The following ADORA2B variants were observed in gnomAD, a reference collection of about 807,000 sequenced individuals.
ADORA2B encodes adenosine receptor A2b.
In ADORA2B, 18 loss-of-function variants were observed where a neutral mutation model predicts 20.8. The ratio of observed to expected loss-of-function variants is 0.87; its 90% CI spans 0.60 to 1.29. The LOEUF (loss-of-function observed/expected upper bound fraction) is 1.29. ADORA2B is among the 50% of genes most tolerant of loss of function. The pLI is 0.00. For synonymous variants in ADORA2B, 179 were observed against 178.3 expected (o/e 1.00, Z -0.03); for missense variants, 441 against 422.7 (o/e 1.04, Z -0.38).
chr17:15,951,930 C>T (rs775909523), intron 1 of ADORA2B, among the ~76,000 whole-genome samples: 4 of 152,192 alleles, frequency 2.6e-5, no homozygotes, highest in Non-Finnish European at 5.9e-5. Context: ...GCAGAGGCCT[C>T]CTCTGCAGAC....
chr17:15,974,491 A>G, intron 1 of ADORA2B, 188 bp from the exon 2 acceptor site: 1 of 545,868 alleles, frequency 1.8e-6, no homozygotes, highest in Non-Finnish European at 3.2e-6. Context: ...GATCTTACTG[A>G]GTTTTCTAGA....
the ADORA2B span, among the ~76,000 whole-genome samples, chr17:15,860,141 A>G: frequency 0.013 from 1,940 of 152,196 alleles, 35 homozygotes; most frequent in African/African-American, 0.045. Context: ...TGCTCAATCG[A>G]TCACGACCCT....
the ADORA2B span, among the ~76,000 whole-genome samples, chr17:15,876,120 T>A: frequency 6.6e-6 from 1 of 152,210 alleles, no homozygotes; most frequent in Non-Finnish European, 1.5e-5. Flanking sequence ...TTTTTTTTCC[T>A]CCAGTATCTC....
chr17:15,880,518 G>A, the ADORA2B span, among the ~76,000 whole-genome samples: 2 of 142,728 alleles, frequency 1.4e-5, no homozygotes, highest in East Asian at 4.0e-4. Flanking sequence ...GTCGCCAGGG[G>A]AGCACTCAAA....
At chr17:15,943,086 C>T (rs1969758613), upstream of ADORA2B, among the ~76,000 whole-genome samples, 1 of 152,192 alleles carries the variant, frequency 6.6e-6, no homozygotes, top group Non-Finnish European at 1.5e-5. Context: ...GCAGGTGATT[C>T]CAGAACTCAC....
chr17:15,958,610 C>T (rs539949766), intron 1 of ADORA2B, among the ~76,000 whole-genome samples: 1 of 152,312 alleles, frequency 6.6e-6, no homozygotes, highest in South Asian at 2.1e-4. Flanking sequence ...TCCTCTCTTT[C>T]CTTCGTTTCT....
the ADORA2B span, among the ~76,000 whole-genome samples, chr17:15,921,799 C>T: frequency 6.6e-6 from 1 of 152,168 alleles, no homozygotes; most frequent in Non-Finnish European, 1.5e-5. Flanking sequence ...TTTTAGCTCT[C>T]ACATCCTTAA....
At chr17:15,920,844 C>T in the ADORA2B span, among the ~76,000 whole-genome samples, 5 of 152,162 alleles carry the variant, frequency 3.3e-5, no homozygotes, top group Non-Finnish European at 5.9e-5. Flanking sequence ...TTGGAGGCTG[C>T]GAGCCCAGCT....
At chr17:15,870,420 C>G in the ADORA2B span, among the ~76,000 whole-genome samples, 1 of 152,172 alleles carries the variant, frequency 6.6e-6, no homozygotes, top group Non-Finnish European at 1.5e-5. Flanking sequence ...AGACAGATCT[C>G]TTGAGCCCAG....
At chr17:15,939,816 C>T in the ADORA2B span, among the ~76,000 whole-genome samples, 5 of 138,470 alleles carry the variant, frequency 3.6e-5, no homozygotes, top group East Asian at 1.1e-3. Context: ...GCCAAGATCA[C>T]ACCACTGCAC....
At position 15,964,647 on chromosome 17, in the gene ADORA2B, T is replaced by C. The variant is rs183303930; in HGVS notation, c.336-10032T>C. 8.3e-4 allele frequency among the ~76,000 whole-genome samples: 125 copies of C among 150,948 alleles called. 3 individuals carry two copies. Among genetic ancestry groups the C allele is most frequent in the African/African-American group, 2.9e-3 (118 of 40,968 alleles). On this transcript the variant is annotated intron_variant, in intron 1 of 1. Coordinates refer to ENST00000304222, the MANE Select transcript of ADORA2B (RefSeq NM_000676.4). ...AAAAAAAAAAAGAAAAGATGAATTC[T>C]ACTTTTTTAATTGTTATAGTGCTAT...
chr17:15,900,869 C>T, the ADORA2B span, among the ~76,000 whole-genome samples: 1 of 152,192 alleles, frequency 6.6e-6, no homozygotes, highest in African/African-American at 2.4e-5. Context: ...GTAAGGAAAG[C>T]GTCTTAGCCA....
upstream of ADORA2B, among the ~76,000 whole-genome samples, chr17:15,941,770 G>A (rs1969747988): frequency 6.6e-6 from 1 of 150,588 alleles, no homozygotes. Flanking sequence ...GACTCTCTTC[G>A]GATTCCACCC....
At chr17:15,915,416 G>A in the ADORA2B span, among the ~76,000 whole-genome samples, 2 of 152,188 alleles carry the variant, frequency 1.3e-5, no homozygotes, top group Non-Finnish European at 2.9e-5. Flanking sequence ...ACATTTACAG[G>A]TTCCAGGGAC....
the ADORA2B span, among the ~76,000 whole-genome samples, chr17:15,887,006 C>G: frequency 0.013 from 1,745 of 130,772 alleles, 393 homozygotes; most frequent in Non-Finnish European, 0.019. Flanking sequence ...GTCACGATGC[C>G]AAAGCCAGGG....
At chr17:15,921,592 T>C in the ADORA2B span, among the ~76,000 whole-genome samples, 1 of 152,036 alleles carries the variant, frequency 6.6e-6, no homozygotes, top group African/African-American at 2.4e-5. Context: ...GTAATGAAAA[T>C]TAACATATTT....
intron 1 of ADORA2B, 123 bp from the exon 2 acceptor site, chr17:15,974,556 G>T: frequency 1.2e-6 from 1 of 830,464 alleles, no homozygotes. Flanking sequence ...AAAGGCCTTA[G>T]TGCCCTGGAA....
upstream of ADORA2B, among the ~76,000 whole-genome samples, chr17:15,944,191 G>A (rs547026668): frequency 6.6e-6 from 1 of 152,324 alleles, no homozygotes; most frequent in African/African-American, 2.4e-5. The surrounding 1 kb of genome is among the most constrained non-coding windows in gnomAD (Gnocchi z 4.8). Flanking sequence ...AGGAAAAGGC[G>A]GCAGCACAGG....
At chr17:15,974,192 T>C (rs75198820) in intron 1 of ADORA2B, 5,819 of 154,062 alleles carry the variant, frequency 0.038, 115 homozygotes, top group East Asian at 0.074. Flanking sequence ...AAGTCGAGGA[T>C]TGGCATGAGT....
Sources: gnomAD v4.1 joint callset for allele counts (sites outside exome capture counted in the v4.1 genomes callset) on GRCh38, gnomAD v4.1.1 for gene constraint, Gnocchi (gnomAD v3.1) non-coding constraint, MANE v1.5 for transcripts, NCBI Gene and HGNC (gene_info 2026-07-23, HGNC 2026-07-21) for gene names.